Variants in NHS observed in about 807,000 individuals in gnomAD.
The protein encoded by NHS is NHS actin remodeling regulator.
A neutral mutation model predicts 72.5 loss-of-function variants in NHS; 5 were observed. The observed-to-expected ratio is 0.07, with a 90% CI of 0.04 to 0.14. The LOEUF is 0.14. Ranked by LOEUF, NHS falls within the 10% of genes least tolerant of loss-of-function variation. The pLI, the probability that NHS is intolerant of heterozygous loss-of-function variation, is 1.00. For missense variants in NHS, 1,072 were observed against 1,355.7 expected (o/e 0.79, Z 3.29); for synonymous variants, 464 against 547.7 (o/e 0.85, Z 2.13).
At chrX:17,466,681 C>T (rs2064872009) in intron 1 of NHS, among the ~76,000 whole-genome samples, 1 of 112,006 alleles carries the variant, frequency 8.9e-6, no homozygotes. Context: ...CGCCAGACCC[C>T]TAGCATCTCC....
chrX:17,408,965 G>T (rs967137784), intron 1 of NHS, among the ~76,000 whole-genome samples: 1 of 110,937 alleles, frequency 9.0e-6, no homozygotes, highest in Non-Finnish European at 1.9e-5. Flanking sequence ...GAGAGAGAGA[G>T]AGAGAGAGAG....
chrX:17,595,548 C>T (rs2065620844), intron 1 of NHS, among the ~76,000 whole-genome samples: 1 of 111,800 alleles, frequency 8.9e-6, no homozygotes, highest in South Asian at 3.7e-4. Flanking sequence ...TAATACTTAA[C>T]CTGGGGTCAA....
intron 3 of NHS, among the ~76,000 whole-genome samples, chrX:17,706,062 C>T (rs2066293633): frequency 9.0e-6 from 1 of 110,886 alleles, no homozygotes; most frequent in Admixed American, 9.6e-5. Flanking sequence ...TGTGGTGGTG[C>T]ATGCCTGCGG....
chrX:17,676,723 C>T (rs1048069403), intron 1 of NHS, among the ~76,000 whole-genome samples: 2 of 112,161 alleles, frequency 1.8e-5, no homozygotes, highest in Non-Finnish European at 3.8e-5. Context: ...TAAGCTCAGG[C>T]GTGGAAGCCT....
chrX:17,676,661 G>C (rs2147103554), intron 1 of NHS, among the ~76,000 whole-genome samples: 1 of 112,427 alleles, frequency 8.9e-6, no homozygotes, highest in South Asian at 3.7e-4. Context: ...CAGGGGGTGT[G>C]GGGCTGATGA....
At chrX:17,500,898 C>T (rs190983398) in intron 1 of NHS, among the ~76,000 whole-genome samples, 2 of 111,724 alleles carry the variant, frequency 1.8e-5, no homozygotes, top group East Asian at 2.8e-4. Context: ...ATAATAGTAC[C>T]TGTTTTAAAG....
At chrX:17,450,311 C>G (rs920659478) in intron 1 of NHS, among the ~76,000 whole-genome samples, 1 of 112,033 alleles carries the variant, frequency 8.9e-6, no homozygotes, top group Non-Finnish European at 1.9e-5. Flanking sequence ...TCATGCCCCT[C>G]TCCCCCAGAG....
intron 1 of NHS, chrX:17,586,532 T>C (rs1337229850): frequency 1.8e-5 from 2 of 112,591 alleles, no homozygotes; most frequent in Non-Finnish European, 3.7e-5. Context: ...TCACTTGCTT[T>C]TTCAATAAAC....
rs201829012 is a variant in NHS at position 17,516,773 on chromosome X, GCACACA to G, written c.565+140465_565+140470del. Among the ~76,000 whole-genome samples the G allele has an allele frequency of 7.1e-3, 709 of 100,555 alleles. 12 individuals are homozygous for G. In the East Asian group the frequency reaches 0.085, roughly 12 times the overall value. The allele number at this position is 100,555 out of a possible 115,157, so 87.3% of individuals were successfully genotyped here. A position where few individuals can be genotyped will look rare whatever the true frequency, so the allele number is the denominator to read the frequency against. ...ACTTGGCCCCAGTGTAATTCAAATG[GCACACA>G]CACACACACACACGTGCACATACAC... On this transcript the variant is annotated intron_variant, in intron 1 of 8. Coordinates refer to ENST00000676302, the MANE Select transcript of NHS (RefSeq NM_001291867.2).
chrX:17,717,150 A>G (rs1011833359), intron 3 of NHS, among the ~76,000 whole-genome samples: 2 of 110,782 alleles, frequency 1.8e-5, no homozygotes, highest in African/African-American at 6.6e-5. Context: ...TATTTTTAGT[A>G]GAGATAAGGT....
intron 1 of NHS, among the ~76,000 whole-genome samples, chrX:17,419,388 G>A (rs1207553571): frequency 5.3e-5 from 6 of 112,201 alleles, no homozygotes; most frequent in Non-Finnish European, 1.1e-4. Flanking sequence ...TCTCAGAATA[G>A]GAACATTTAA....
chrX:17,698,714 CATATT>C (rs1243968936), intron 3 of NHS, among the ~76,000 whole-genome samples: 1 of 111,137 alleles, frequency 9.0e-6, no homozygotes, highest in African/African-American at 3.3e-5. Flanking sequence ...AATATAACAT[CATATT>C]ATATTAGGAG....
intron 1 of NHS, among the ~76,000 whole-genome samples, chrX:17,456,255 A>T (rs984708336): frequency 3.6e-5 from 4 of 112,136 alleles, no homozygotes; most frequent in African/African-American, 1.3e-4. Flanking sequence ...GGGAGATCTT[A>T]TGCCAAATTA....
chrX:17,643,502 T>C (rs1206676431), intron 1 of NHS, among the ~76,000 whole-genome samples: 1 of 111,446 alleles, frequency 9.0e-6, no homozygotes, highest in Non-Finnish European at 1.9e-5. Context: ...TTAGTTCTGA[T>C]CTGAAGGTGT....
chrX:17,459,405 T>G (rs1178420476), intron 1 of NHS, among the ~76,000 whole-genome samples: 1 of 111,144 alleles, frequency 9.0e-6, no homozygotes, highest in African/African-American at 3.3e-5. Flanking sequence ...TAAAACAGGG[T>G]GGAGTGATGA....
chrX:17,607,316 G>T (rs1038606645), intron 1 of NHS, among the ~76,000 whole-genome samples: 1 of 111,646 alleles, frequency 9.0e-6, no homozygotes, highest in Non-Finnish European at 1.9e-5. Context: ...CATTTACCAA[G>T]CATCTCCTCT....
rs773142946 is a variant in NHS, at chrX:17,376,033, C to A, written c.276C>A (p.Gly92=). 9.2e-7 allele frequency: 1 copy of A among 1,081,236 alleles called. No homozygotes were observed. Among genetic ancestry groups the A allele is most frequent in the South Asian group, 2.3e-5 (1 of 43,202 alleles). The allele number at this position is 1,081,236 out of a possible 1,213,427, so 89.1% of individuals were successfully genotyped here. A position where few individuals can be genotyped will look rare whatever the true frequency, so the allele number is the denominator to read the frequency against. ...QPPHGEASVA[G]EESTAGIPEA... is the part of the protein sequence containing the mutation. ...CGCACGGAGAGGCGTCCGTGGCTGG[C>A]GAGGAGAGCACGGCGGGGATCCCGG... is the stretch of plus-strand genomic sequence containing the variant. The change falls in exon 1 of 9, where the codon GGC becomes GGA. Residue 92 remains glycine (G), a synonymous_variant. Transcript: ENST00000676302.
intron 3 of NHS, among the ~76,000 whole-genome samples, chrX:17,694,379 G>A (rs1352996524): frequency 8.9e-6 from 1 of 112,584 alleles, no homozygotes; most frequent in East Asian, 2.8e-4. Flanking sequence ...ATTGCTGAAA[G>A]ACAAATGGCT....
intron 1 of NHS, among the ~76,000 whole-genome samples, chrX:17,514,165 G>T (rs4825344): frequency 0.14 from 16,180 of 111,628 alleles, 1,085 homozygotes; most frequent in East Asian, 0.23. Context: ...CAACACATGA[G>T]AATTCAAGAT....
Sources: gnomAD v4.1 joint callset for allele counts (sites outside exome capture counted in the v4.1 genomes callset) on GRCh38, gnomAD v4.1.1 for gene constraint, MANE v1.5 for transcripts, NCBI Gene and HGNC (gene_info 2026-07-23, HGNC 2026-07-21) for gene names.